The following TPD52 variants were observed in gnomAD, a reference collection of about 807,000 sequenced individuals.
TPD52 encodes tumor protein D52, also known as prostate and colon associated protein.
Under a neutral mutation model 31.3 loss-of-function variants are expected in TPD52, and 17 were observed. That is an observed-to-expected ratio of 0.54 (90% CI 0.37 to 0.82). The LOEUF is 0.82. Ranked by LOEUF, TPD52 falls within the 40% of genes least tolerant of loss-of-function variation. The pLI is 0.00. For missense variants in TPD52, 212 were observed against 240.1 expected, an observed-to-expected ratio of 0.88 and a Z score of 0.77; for synonymous variants, 83 against 89.6, an observed-to-expected ratio of 0.93 and a Z score of 0.42.
chr8:80,033,914 TAAA>T (rs1586110802), downstream of TPD52, among the ~76,000 whole-genome samples: 1 of 152,028 alleles, frequency 6.6e-6, no homozygotes, highest in East Asian at 1.9e-4. Context: ...GGGCTCTACC[TAAA>T]ACTGGCAGCC....
intron 1 of TPD52, among the ~76,000 whole-genome samples, chr8:80,113,565 T>C (rs1807653277): frequency 6.6e-6 from 1 of 152,110 alleles, no homozygotes. Flanking sequence ...GAAGAAAATG[T>C]GGCATATACA....
chr8:80,080,476 G>T (rs373546029), intron 1 of TPD52: 238 of 1,612,400 alleles, frequency 1.5e-4, no homozygotes, highest in Non-Finnish European at 2.0e-4. Context: ...CAGAATGCAT[G>T]GCTGTCTAAT....
chr8:80,091,189 G>C (rs926002113), intron 1 of TPD52, among the ~76,000 whole-genome samples: 5 of 152,172 alleles, frequency 3.3e-5, no homozygotes, highest in African/African-American at 4.8e-5. Context: ...ACACAAAAGA[G>C]GCTGGGCGCA....
intron 1 of TPD52, among the ~76,000 whole-genome samples, chr8:80,121,081 CAAA>C (rs762105086): frequency 4.1e-5 from 4 of 98,556 alleles, no homozygotes; most frequent in Non-Finnish European, 2.2e-5. Flanking sequence ...GACTCTGTCT[CAAA>C]AAAAAAAAAA....
chr8:80,136,352 A>G (rs12680026), intron 1 of TPD52, among the ~76,000 whole-genome samples: 64,070 of 149,480 alleles, frequency 0.43, 14,313 homozygotes, highest in East Asian at 0.77. Flanking sequence ...GTGAAACCCC[A>G]TCTCTACTAA....
downstream of TPD52, among the ~76,000 whole-genome samples, chr8:80,032,207 T>C (rs1448155162): frequency 6.6e-6 from 1 of 151,324 alleles, no homozygotes. Context: ...GACTTCAAAT[T>C]TGGCCTTAGT....
chr8:80,081,160 T>C (rs947497155), intron 1 of TPD52, among the ~76,000 whole-genome samples: 2 of 139,850 alleles, frequency 1.4e-5, no homozygotes, highest in African/African-American at 6.2e-5. Flanking sequence ...CTCTCTCTTT[T>C]TTTTTTTTTT....
intron 1 of TPD52, among the ~76,000 whole-genome samples, chr8:80,069,877 T>A (rs1192608039): frequency 6.6e-6 from 1 of 152,156 alleles, no homozygotes; most frequent in East Asian, 1.9e-4. Context: ...CAGAGCAGAG[T>A]GGCCAAGAAC....
At chr8:80,061,885 A>G (rs1282853681) in intron 2 of TPD52, among the ~76,000 whole-genome samples, 2 of 152,250 alleles carry the variant, frequency 1.3e-5, no homozygotes, top group Admixed American at 6.5e-5. Flanking sequence ...TAAGACTCGT[A>G]CATAGAAAAA....
chr8:80,055,568 A>C (rs1811789433), intron 2 of TPD52, among the ~76,000 whole-genome samples: 2 of 152,216 alleles, frequency 1.3e-5, no homozygotes, highest in Non-Finnish European at 2.9e-5. Flanking sequence ...AAATGGGACT[A>C]AATTCAAGGA....
At chr8:80,102,412 T>A (rs578144717) in intron 1 of TPD52, among the ~76,000 whole-genome samples, 8 of 152,202 alleles carry the variant, frequency 5.3e-5, no homozygotes, top group Non-Finnish European at 1.2e-4. Flanking sequence ...TGGAAGCCAC[T>A]GTCCTTTATC....
At chr8:80,145,526 G>A (rs1810132590) in intron 1 of TPD52, among the ~76,000 whole-genome samples, 1 of 152,294 alleles carries the variant, frequency 6.6e-6, no homozygotes, top group East Asian at 1.9e-4. Context: ...CATAGCAGGT[G>A]CTCCGGGAAT....
chr8:80,126,341 C>CGAA, intron 1 of TPD52, among the ~76,000 whole-genome samples: 1 of 147,736 alleles, frequency 6.8e-6, no homozygotes, highest in African/African-American at 2.5e-5. Context: ...TTTTTCTTTT[C>CGAA]ATTTTGAAAT....
At chr8:80,109,542 G>A (rs1020327129) in intron 1 of TPD52, among the ~76,000 whole-genome samples, 4 of 152,082 alleles carry the variant, frequency 2.6e-5, no homozygotes, top group African/African-American at 7.2e-5. Flanking sequence ...GAGTAGCTGG[G>A]ATTACAGGCA....
intron 1 of TPD52, among the ~76,000 whole-genome samples, chr8:80,073,409 A>G (rs1271785991): frequency 3.3e-5 from 5 of 152,236 alleles, no homozygotes; most frequent in African/African-American, 4.8e-5. Flanking sequence ...AAATAAGTCA[A>G]AAGTGTCTCC....
In TPD52 at chr8:80,064,592, A is replaced by T. The variant is rs143332088; in HGVS notation, c.21T>A (p.Gly7=). Residue 7 remains glycine (G), a splice_region_variant and synonymous_variant, in exon 2 of 8, where the codon GGT becomes GGA. Coordinates refer to ENST00000518937, the MANE Select transcript of TPD52 (RefSeq NM_001025253.3). ...CAGGGACTGGGTCTGTTCTCAGCAG[A>T]CCTGGTTGGGGATTTAAACCATTTT... The part of the protein sequence containing the change: MDRGEQ[G]LLRTDPVPEE... 8.1e-6 allele frequency: 13 copies of T among 1,613,402 alleles called. No homozygotes were observed. In the African/African-American group the frequency reaches 1.7e-4, roughly 22 times the overall value.
chr8:80,085,006 T>C (rs930211034), intron 1 of TPD52, among the ~76,000 whole-genome samples: 8 of 152,324 alleles, frequency 5.3e-5, no homozygotes, highest in African/African-American at 1.7e-4. Context: ...CATAATTATA[T>C]AAAAATATTT....
At chr8:80,157,271 T>TAA (rs34910647) in intron 1 of TPD52, among the ~76,000 whole-genome samples, 207 of 145,068 alleles carry the variant, frequency 1.4e-3, no homozygotes, top group Non-Finnish European at 1.5e-3. Context: ...TCTTGAAGGC[T>TAA]AAAAAAAAAA....
At chr8:80,090,708 GA>G (rs61605939) in intron 1 of TPD52, among the ~76,000 whole-genome samples, 2,520 of 124,354 alleles carry the variant, frequency 0.02, 56 homozygotes, top group African/African-American at 0.065. Context: ...TTATAAGAAA[GA>G]AAAAAAAAAA....
Sources: allele counts gnomAD v4.1 joint callset (sites outside exome capture counted in the v4.1 genomes callset), GRCh38; gene constraint gnomAD v4.1.1; transcripts MANE v1.5; gene names NCBI Gene and HGNC (gene_info 2026-07-23, HGNC 2026-07-21).